STXBP3: variants seen among roughly 807,000 people sequenced by gnomAD.
The protein encoded by STXBP3 is syntaxin-binding protein 3.
Under a neutral mutation model 85.7 loss-of-function variants are expected in STXBP3, and 41 were observed. The observed-to-expected ratio is 0.48, with a 90% confidence interval of 0.37 to 0.62. The LOEUF (loss-of-function observed/expected upper bound fraction) is 0.62. STXBP3 is among the 20% of genes least tolerant of loss of function. STXBP3 has a pLI of 0.00. For missense variants in STXBP3, 563 were observed against 703.1 expected (o/e 0.80, Z 2.25); for synonymous variants, 229 against 231.7 (o/e 0.99, Z 0.10).
At chr1:108,777,106 C>T (rs1557808575) in intron 8 of STXBP3, among the ~76,000 whole-genome samples, 1 of 151,944 alleles carries the variant, frequency 6.6e-6, no homozygotes, top group Non-Finnish European at 1.5e-5. Context: ...GAGGTGGTGC[C>T]AGAGGCCTAG....
chr1:108,781,003 C>T (rs1662706735), intron 9 of STXBP3: 1 of 151,864 alleles, frequency 6.6e-6, no homozygotes, highest in African/African-American at 2.4e-5. Context: ...CCTGGCCTCA[C>T]ATGATCCACC....
In STXBP3 at chr1:108,784,442, C is replaced by T. The variant is rs114461232; in HGVS notation, c.963+1736C>T. On this transcript the variant is annotated intron_variant, in intron 11 of 18. Coordinates refer to ENST00000370008, the MANE Select transcript of STXBP3 (RefSeq NM_007269.4). ...ATAAAACCATCAGATTTTGTGTGAACGCACTATCACAAGAATAGCATGGGG... is the reference window on the plus strand; with the variant it reads ...ATAAAACCATCAGATTTTGTGTGAATGCACTATCACAAGAATAGCATGGGG... Among the ~76,000 whole-genome samples, 1,168 of 152,262 alleles carry T rather than the reference C, an allele frequency of 7.7e-3. 16 individuals are homozygous for T. Among genetic ancestry groups the T allele is most frequent in the African/African-American group, 0.026 (1,087 of 41,560 alleles).
At position 108,807,406 on chromosome 1, in the gene STXBP3, G is replaced by A. The variant is rs759978297; in HGVS notation, c.1541G>A (p.Arg514His). The part of the protein sequence containing the change: ...VWNGSGAVSA[R>H]QKPRANYLED... ...TTTTTTAAATTACTTTTTAGTGCTC[G>A]CCAGAAACCCAGAGCTAATTATTTA... The change falls in exon 18 of 19, where the codon CGC becomes CAC. Residue 514 changes from arginine to histidine, a missense_variant. Physicochemically the swap from Arg to His is conservative, Grantham distance 29. This residue lies in a region of STXBP3 where 494 missense variants were observed against 592.8 expected (regional missense o/e 0.83). Transcript: ENST00000370008. 48 of 1,598,806 alleles carry A rather than the reference G, an allele frequency of 3.0e-5. No individual in the cohort carries two copies. Among genetic ancestry groups the A allele is most frequent in the Non-Finnish European group, 3.8e-5 (45 of 1,176,168 alleles).
chr1:108,767,967 T>C (rs1662304448), intron 6 of STXBP3, among the ~76,000 whole-genome samples: 1 of 152,232 alleles, frequency 6.6e-6, no homozygotes, highest in Non-Finnish European at 1.5e-5. Flanking sequence ...TTAGCTAAAA[T>C]TGAGTCACAT....
At position 108,805,447 on chromosome 1, in the gene STXBP3, C is replaced by G. The variant is rs904129662; in HGVS notation, c.1536-1954C>G. Among the ~76,000 whole-genome samples the G allele has an allele frequency of 3.4e-5, 4 of 117,104 alleles. No individual in the cohort carries two copies. The South Asian group carries it at 1.1e-3, about 32-fold the overall frequency. The allele number at this position is 117,104 out of a possible 152,430, so 76.8% of individuals were successfully genotyped here. A position where few individuals can be genotyped will look rare whatever the true frequency, so the allele number is the denominator to read the frequency against. ...TTTTTTTTTTTTTTTTTTTTTGAGA[C>G]GGAGTCTCGCTCTGTCACCCAGGCT... On this transcript the variant is annotated intron_variant, in intron 17 of 18. Coordinates refer to ENST00000370008, the MANE Select transcript of STXBP3 (RefSeq NM_007269.4).
Position 108,758,361 on chromosome 1 carries a change from G to T in STXBP3, c.259-149G>T, listed in dbSNP as rs147407895. ...TAGCTATCACTGGCTGGAGAACATA[G>T]CATCTTAAAAAATCAGTTTATAAAT... is the stretch of plus-strand genomic sequence containing the variant. On this transcript the variant is annotated intron_variant, in intron 4 of 18. Coordinates refer to ENST00000370008, the MANE Select transcript of STXBP3 (RefSeq NM_007269.4). 8 of 387,352 alleles carry T rather than the reference G, an allele frequency of 2.1e-5. No individual in the cohort carries two copies. In the South Asian group the frequency reaches 5.2e-4, roughly 25 times the overall value. 24.0% of individuals were successfully genotyped at this position (387,352 alleles called of 1,614,324 possible). A position where few individuals can be genotyped will look rare whatever the true frequency, so the allele number is the denominator to read the frequency against.
chr1:108,779,035 A>C (rs1003261847), intron 8 of STXBP3, among the ~76,000 whole-genome samples: 2 of 152,170 alleles, frequency 1.3e-5, no homozygotes, highest in Non-Finnish European at 1.5e-5. Context: ...TCTTACTCTA[A>C]TTACAAAAGT....
intron 17 of STXBP3, among the ~76,000 whole-genome samples, chr1:108,804,037 T>G (rs933823541): frequency 2.0e-5 from 3 of 152,230 alleles, no homozygotes; most frequent in African/African-American, 7.2e-5. Flanking sequence ...CTCTGTGCTA[T>G]GTGTATCTGA....
chr1:108,764,420 G>A (rs758603722), intron 6 of STXBP3, among the ~76,000 whole-genome samples: 29 of 152,108 alleles, frequency 1.9e-4, no homozygotes, highest in Admixed American at 1.3e-3. Context: ...CTAGTAATGC[G>A]ATTGCTGGGG....
At chr1:108,808,300 C>T (rs1311754162) in intron 18 of STXBP3, among the ~76,000 whole-genome samples, 2 of 152,062 alleles carry the variant, frequency 1.3e-5, no homozygotes, top group African/African-American at 4.8e-5. Flanking sequence ...TCACTTGAGG[C>T]CAGGAGTTTG....
chr1:108,767,787 A>G (rs986880147), intron 6 of STXBP3, among the ~76,000 whole-genome samples: 3 of 151,982 alleles, frequency 2.0e-5, no homozygotes, highest in South Asian at 2.1e-4. Context: ...AGGTCTTGCT[A>G]TGTTGCCCAG....
At position 108,796,717 on chromosome 1, in the gene STXBP3, T is replaced by A. The variant is rs1315538221; in HGVS notation, c.1347T>A (p.Ile449=). 5 of 1,613,238 alleles carry A rather than the reference T, an allele frequency of 3.1e-6. No homozygotes were observed. The highest frequency in any genetic ancestry group is 4.2e-6 in the Non-Finnish European group (5 of 1,179,656). The part of the protein sequence containing the change: ...IRNWSYLGVP[I]VPQSQQGKPL... Reference sequence around the variant, plus strand: ...ACTGGAGTTACCTTGGTGTTCCCATTGTTCCCCAAGTAAGAAGTCTTATGT... The same window carrying A: ...ACTGGAGTTACCTTGGTGTTCCCATAGTTCCCCAAGTAAGAAGTCTTATGT... Residue 449 remains isoleucine (I), a synonymous_variant, in exon 15 of 19, where the codon ATT becomes ATA. Coordinates refer to ENST00000370008, the MANE Select transcript of STXBP3 (RefSeq NM_007269.4).
At chr1:108,796,434 A>C in intron 14 of STXBP3, 62 bp downstream of exon 14, 1 of 1,292,224 alleles carries the variant, frequency 7.7e-7, no homozygotes, top group East Asian at 2.5e-5. Flanking sequence ...AATCTTTGAA[A>C]ACTGAAAGAT....
intron 1 of STXBP3, among the ~76,000 whole-genome samples, chr1:108,747,110 G>GCCGCGCTCCCCACTCTTCTCCGCTGCCGT (rs1661804211): frequency 7.5e-5 from 11 of 147,516 alleles, no homozygotes; most frequent in African/African-American, 2.5e-4. Context: ...CGTGCCCTCG[G>GCCGCGCTCCCCACTCTTCTCCGCTGCCGT]CCGCGCTCCC....
At chr1:108,784,797 T>C (rs1004031830) in intron 11 of STXBP3, among the ~76,000 whole-genome samples, 2 of 152,144 alleles carry the variant, frequency 1.3e-5, no homozygotes, top group African/African-American at 4.8e-5. Context: ...AGGCATTGGG[T>C]AAATACACCT....
At chr1:108,800,751 A>G (rs1308230427) in intron 17 of STXBP3, among the ~76,000 whole-genome samples, 1 of 152,104 alleles carries the variant, frequency 6.6e-6, no homozygotes, top group Non-Finnish European at 1.5e-5. Flanking sequence ...TATTGCCTGT[A>G]TGTCTTTATA....
intron 11 of STXBP3, among the ~76,000 whole-genome samples, chr1:108,789,513 A>G (rs1342586402): frequency 2.8e-5 from 3 of 108,408 alleles, no homozygotes; most frequent in Non-Finnish European, 4.1e-5. Context: ...TATTGTATAT[A>G]TTTTATAGTT....
chr1:108,780,673 TCA>T (rs1211370858), intron 9 of STXBP3: 1 of 151,494 alleles, frequency 6.6e-6, no homozygotes, highest in Non-Finnish European at 1.5e-5. Flanking sequence ...CCAGCCTTCA[TCA>T]CAGTTTTTTA....
chr1:108,808,934 G>GA lies in STXBP3; in HGVS notation c.*61dup. ...CTAATATGTTGAACTAAAATAGAAA[G>GA]AAAATGTTGCTGTCATGTAATTTAA... On this transcript the variant is annotated 3_prime_UTR_variant, in exon 19 of 19. Coordinates refer to ENST00000370008, the MANE Select transcript of STXBP3 (RefSeq NM_007269.4). 8.5e-7 allele frequency: 1 copy of GA among 1,179,032 alleles called. No homozygotes were observed. Among genetic ancestry groups the GA allele is most frequent in the South Asian group, 1.4e-5 (1 of 72,158 alleles). 73.0% of individuals were successfully genotyped at this position (1,179,032 alleles called of 1,614,324 possible).
Sources: allele counts gnomAD v4.1 joint callset (sites outside exome capture counted in the v4.1 genomes callset), GRCh38; gene constraint gnomAD v4.1.1; regional missense constraint gnomAD v4.1.1; transcripts MANE v1.5; gene names NCBI Gene and HGNC (gene_info 2026-07-23, HGNC 2026-07-21).